The following CACNA1C variants were observed in gnomAD, a reference collection of about 807,000 sequenced individuals.
CACNA1C encodes the protein calcium voltage-gated channel subunit alpha1 C, also known as voltage-dependent L-type calcium channel subunit alpha-1C.
Under a neutral mutation model 229.0 loss-of-function variants are expected in CACNA1C, and 30 were observed. The observed-to-expected ratio is 0.13, with a 90% CI of 0.10 to 0.18. The LOEUF (loss-of-function observed/expected upper bound fraction) is 0.18. Ranked by LOEUF, CACNA1C falls within the 10% of genes least tolerant of loss-of-function variation. CACNA1C has a pLI of 1.00. For synonymous variants in CACNA1C, 1,114 were observed against 1,132.5 expected, an observed-to-expected ratio of 0.98 and a Z score of 0.33; for missense variants, 1,658 against 2,845.0, an observed-to-expected ratio of 0.58 and a Z score of 9.49.
intron 7 of CACNA1C, among the ~76,000 whole-genome samples, chr12:2,503,713 C>G (rs1380824813): frequency 6.6e-6 from 1 of 152,232 alleles, no homozygotes; most frequent in African/African-American, 2.4e-5. Context: ...ACCACTCCCT[C>G]TGGCTGCCGT....
At position 2,697,705 on chromosome 12, in the gene CACNA1C, A is replaced by G. The variant is rs2153905460; in HGVS notation, c.*6506A>G. On this transcript the variant is annotated 3_prime_UTR_variant, in exon 47 of 47. Coordinates refer to ENST00000399655, the MANE Select transcript of CACNA1C (RefSeq NM_000719.7). The stretch of plus-strand genomic sequence containing the variant: ...GTCTTACTGTTGTAAATATCATTGT[A>G]CAGTTTGTAATCCTCAAATAATCCC... 1 of 152,174 alleles carries G rather than the reference A, an allele frequency of 6.6e-6. No homozygotes were observed. The highest frequency in any genetic ancestry group is 2.1e-4 in the South Asian group (1 of 4,820). 9.4% of individuals were successfully genotyped at this position (152,174 alleles called of 1,614,324 possible). A position where few individuals can be genotyped will look rare whatever the true frequency, so the allele number is the denominator to read the frequency against.
intron 29 of CACNA1C, among the ~76,000 whole-genome samples, chr12:2,625,951 C>G (rs2086233852): frequency 6.6e-6 from 1 of 152,046 alleles, no homozygotes; most frequent in Non-Finnish European, 1.5e-5. Flanking sequence ...GAGTTAAACC[C>G]TGTCTCTAAA....
At chr12:2,503,440 A>G (rs899990448) in intron 7 of CACNA1C, among the ~76,000 whole-genome samples, 3 of 152,272 alleles carry the variant, frequency 2.0e-5, no homozygotes, top group African/African-American at 7.2e-5. Flanking sequence ...AAACTAAATC[A>G]GAATAAATTT....
intron 3 of CACNA1C, among the ~76,000 whole-genome samples, chr12:2,291,739 C>T (rs886470317): frequency 8.5e-5 from 13 of 152,116 alleles, no homozygotes; most frequent in African/African-American, 2.4e-4. Context: ...GTCCCTCCCA[C>T]GAAGCAAGAA....
In CACNA1C at chr12:2,625,949, C is replaced by T. The variant is rs1211970189; in HGVS notation, c.3829-8348C>T. Among the ~76,000 whole-genome samples, 4 of 152,084 alleles carry T rather than the reference C, an allele frequency of 2.6e-5. No homozygotes were observed. The East Asian group carries it at 5.8e-4, about 22-fold the overall frequency. The stretch of plus-strand genomic sequence containing the variant: ...CTCCAGCCTGGATGACAGAGTTAAA[C>T]CCTGTCTCTAAAAATAAAATAAAAT... On this transcript the variant is annotated intron_variant, in intron 29 of 46. Coordinates refer to ENST00000399655, the MANE Select transcript of CACNA1C (RefSeq NM_000719.7).
intron 1 of CACNA1C, among the ~76,000 whole-genome samples, chr12:2,107,330 TG>T (rs2079452705): frequency 8.7e-6 from 1 of 115,188 alleles, no homozygotes; most frequent in African/African-American, 3.3e-5. Flanking sequence ...CCACCTCAGC[TG>T]GGGTGTGCTG....
At chr12:2,254,292 A>T (rs2076594089) in intron 3 of CACNA1C, among the ~76,000 whole-genome samples, 1 of 151,530 alleles carries the variant, frequency 6.6e-6, no homozygotes, top group African/African-American at 2.4e-5. Flanking sequence ...ACGACCCCAG[A>T]CTCTGTCTGT....
At chr12:2,078,726 C>G (rs956073884) in intron 1 of CACNA1C, among the ~76,000 whole-genome samples, 1 of 152,128 alleles carries the variant, frequency 6.6e-6, no homozygotes, top group Non-Finnish European at 1.5e-5. Flanking sequence ...TGTGGCGATT[C>G]CTCAGGGATC....
rs2099700101 is a variant in CACNA1C at position 2,486,906 on chromosome 12, C to T, written c.916+644C>T. Among the ~76,000 whole-genome samples, 1 of 152,336 alleles carries T rather than the reference C, an allele frequency of 6.6e-6. No individual in the cohort carries two copies. The highest frequency in any genetic ancestry group is 2.1e-4 in the South Asian group (1 of 4,822). ...TTAGTTCTACCCCATGACTCCCAGT[C>T]CCTTCCTTTTTGAGCCTTCCCACTT... On this transcript the variant is annotated intron_variant, in intron 6 of 46. Transcript: ENST00000399655. The surrounding 1 kb of genome is among the most constrained non-coding windows in gnomAD (Gnocchi z 4.9).
rs757408352 is a variant in CACNA1C, at chr12:2,108,047, G to T, written c.50-7177G>T. Among the ~76,000 whole-genome samples, 2 of 152,208 alleles carry T rather than the reference G, an allele frequency of 1.3e-5. No individual in the cohort carries two copies. The highest frequency in any genetic ancestry group is 3.8e-4 in the East Asian group (2 of 5,200). On this transcript the variant is annotated intron_variant, in intron 1 of 46. Coordinates refer to ENST00000399655, the MANE Select transcript of CACNA1C (RefSeq NM_000719.7). The surrounding 1 kb of genome is among the most constrained non-coding windows in gnomAD (Gnocchi z 5.3). ...TACATTTCAGGTGCTCAGGAGCTGC[G>T]TATGACTGGTAGCAAGGGCTCCGTA...
chr12:2,475,114 A>G (rs1056330616), intron 5 of CACNA1C, among the ~76,000 whole-genome samples: 2 of 152,122 alleles, frequency 1.3e-5, no homozygotes, highest in African/African-American at 4.8e-5. Flanking sequence ...CCTGGCTAAC[A>G]CAGTGAAACC....
chr12:2,228,370 A>G (rs797017816), intron 3 of CACNA1C, among the ~76,000 whole-genome samples: 9 of 152,330 alleles, frequency 5.9e-5, no homozygotes, highest in African/African-American at 2.2e-4. Flanking sequence ...AGGCTTAGGA[A>G]TTAACTTACT....
chr12:2,259,594 AT>A (rs2079266396), intron 3 of CACNA1C, among the ~76,000 whole-genome samples: 1 of 152,080 alleles, frequency 6.6e-6, no homozygotes, highest in Non-Finnish European at 1.5e-5. Flanking sequence ...GGGACGACTT[AT>A]TTTTTTGGCC....
At chr12:2,561,755 T>C (rs11062277) in intron 11 of CACNA1C, among the ~76,000 whole-genome samples, 30,148 of 151,894 alleles carry the variant, frequency 0.2, 3,254 homozygotes, top group African/African-American at 0.29. Flanking sequence ...TTTAGAGACA[T>C]AGATGAGACC....
intron 1 of CACNA1C, among the ~76,000 whole-genome samples, chr12:2,091,555 C>G (rs781061189): frequency 6.6e-6 from 1 of 152,214 alleles, no homozygotes; most frequent in Non-Finnish European, 1.5e-5. Flanking sequence ...GCATCTTTTG[C>G]TCTCCTCTCG....
In CACNA1C at chr12:2,641,179, A is replaced by G. The variant is rs187341357; in HGVS notation, c.3912+6799A>G. On this transcript the variant is annotated intron_variant, in intron 30 of 46. Transcript: ENST00000399655. The stretch of plus-strand genomic sequence containing the variant: ...ACATTAGGGTGTACACACCTTAGAG[A>G]CCACCTAGCCCAAACCCTTATTTGT... Among the ~76,000 whole-genome samples the G allele has an allele frequency of 2.0e-3, 304 of 152,276 alleles. 1 individual carries two copies. The highest frequency in any genetic ancestry group is 6.7e-3 in the African/African-American group (277 of 41,540).
intron 3 of CACNA1C, among the ~76,000 whole-genome samples, chr12:2,190,657 C>T (rs2238045): frequency 0.34 from 51,922 of 151,988 alleles, 9,367 homozygotes; most frequent in South Asian, 0.39. Flanking sequence ...GAAATACAGC[C>T]GGCAGGCGAG....
At chr12:2,671,499 A>G (rs576001102) in intron 38 of CACNA1C, among the ~76,000 whole-genome samples, 4 of 152,316 alleles carry the variant, frequency 2.6e-5, no homozygotes, top group Non-Finnish European at 5.9e-5. Flanking sequence ...TTCAGAGGGA[A>G]GGAGAGGCGA....
chr12:2,377,052 A>G (rs1410613916), intron 3 of CACNA1C, among the ~76,000 whole-genome samples: 1 of 152,110 alleles, frequency 6.6e-6, no homozygotes, highest in African/African-American at 2.4e-5. Flanking sequence ...TGGCAGCCCC[A>G]GGGTAATAAT....
Sources: allele counts gnomAD v4.1 joint callset (sites outside exome capture counted in the v4.1 genomes callset), GRCh38; gene constraint gnomAD v4.1.1; non-coding constraint Gnocchi (gnomAD v3.1); transcripts MANE v1.5; gene names NCBI Gene and HGNC (gene_info 2026-07-23, HGNC 2026-07-21).